The following MAP7 variants were observed in gnomAD, a reference collection of about 807,000 sequenced individuals.
The protein encoded by MAP7 is microtubule associated protein 7.
MAP7 carries 52 observed loss-of-function variants against 94.8 expected under a neutral mutation model. The ratio of observed to expected loss-of-function variants is 0.55; its 90% confidence interval spans 0.44 to 0.69. The LOEUF (loss-of-function observed/expected upper bound fraction) is 0.69, where lower values mean the gene tolerates loss of function less well. MAP7 is among the 30% of genes least tolerant of loss of function. The pLI is 0.00. For synonymous variants in MAP7, 350 were observed against 357.0 expected (o/e 0.98, Z 0.22); for missense variants, 940 against 964.6 (o/e 0.97, Z 0.34).
intron 3 of MAP7, among the ~76,000 whole-genome samples, chr6:136,405,500 C>T (rs2128722406): frequency 6.6e-6 from 1 of 152,274 alleles, no homozygotes; most frequent in South Asian, 2.1e-4. Flanking sequence ...GTTTAAGAAA[C>T]AGCAAGGAAC....
chr6:136,344,322 A>G, intron 17 of MAP7, 84 bp from the exon 18 acceptor site: 1 of 578,654 alleles, frequency 1.7e-6, no homozygotes, highest in Non-Finnish European at 2.7e-6. Flanking sequence ...TAATACCTTA[A>G]ATTTCTAAAA....
chr6:136,487,738 T>C (rs1313470830), intron 1 of MAP7, among the ~76,000 whole-genome samples: 1 of 152,134 alleles, frequency 6.6e-6, no homozygotes, highest in Non-Finnish European at 1.5e-5. Flanking sequence ...GTATTTCTTT[T>C]CTCATCAGAA....
chr6:136,380,310 T>C (rs1334862188), intron 6 of MAP7, among the ~76,000 whole-genome samples: 1 of 152,214 alleles, frequency 6.6e-6, no homozygotes, highest in African/African-American at 2.4e-5. Context: ...TTTCAGGTAA[T>C]AGGTGCCAGG....
At chr6:136,505,084 T>C (rs767542271) in intron 1 of MAP7, among the ~76,000 whole-genome samples, 1 of 151,890 alleles carries the variant, frequency 6.6e-6, no homozygotes, top group Non-Finnish European at 1.5e-5. Context: ...TTGCAAACAT[T>C]GTAACTCCCT....
intron 1 of MAP7, among the ~76,000 whole-genome samples, chr6:136,434,412 G>C (rs1050015959): frequency 5.3e-5 from 8 of 151,994 alleles, no homozygotes; most frequent in Admixed American, 1.3e-4. Flanking sequence ...TATCATCCTG[G>C]AGAACAAAGA....
At chr6:136,430,848 G>C (rs1794683436) in intron 1 of MAP7, among the ~76,000 whole-genome samples, 1 of 151,908 alleles carries the variant, frequency 6.6e-6, no homozygotes, top group Admixed American at 6.6e-5. Flanking sequence ...GCAGTTTTAG[G>C]CTTACAGCAC....
At chr6:136,441,558 C>T (rs1218458362) in intron 1 of MAP7, among the ~76,000 whole-genome samples, 1 of 152,166 alleles carries the variant, frequency 6.6e-6, no homozygotes, top group African/African-American at 2.4e-5. Flanking sequence ...TCTTCCTTCC[C>T]CTTTTTTGAT....
At chr6:136,434,387 T>A (rs912967202) in intron 1 of MAP7, among the ~76,000 whole-genome samples, 1 of 151,606 alleles carries the variant, frequency 6.6e-6, no homozygotes, top group Non-Finnish European at 1.5e-5. Context: ...ATTGAATCTA[T>A]TAAGTAATTA....
At chr6:136,413,120 C>T (rs1034065023) in intron 2 of MAP7, among the ~76,000 whole-genome samples, 3 of 152,130 alleles carry the variant, frequency 2.0e-5, no homozygotes, top group Admixed American at 6.5e-5. Flanking sequence ...CAAGATCGCG[C>T]CATTGCACTC....
chr6:136,386,163 GT>G (rs1779141733), intron 5 of MAP7, among the ~76,000 whole-genome samples: 2 of 152,296 alleles, frequency 1.3e-5, no homozygotes, highest in African/African-American at 4.8e-5. Flanking sequence ...TGATGTGTTT[GT>G]TGGTCAGCAA....
chr6:136,386,283 G>A lies in MAP7; in HGVS notation c.526+2110C>T, dbSNP rs781553859. Reference sequence around the variant, plus strand: ...CAAGATCATAGCAAATCATTTTCTGGTCTTTGAGAACTTGGCAAATCCCAT... The same window carrying A: ...CAAGATCATAGCAAATCATTTTCTGATCTTTGAGAACTTGGCAAATCCCAT... On this transcript the variant is annotated intron_variant, in intron 5 of 17. Transcript: ENST00000354570. Among the ~76,000 whole-genome samples the A allele has an allele frequency of 1.2e-3, 175 of 152,086 alleles. 2 individuals are homozygous for A. The highest frequency in any genetic ancestry group is 1.6e-3 in the Non-Finnish European group (109 of 68,010).
intron 1 of MAP7, among the ~76,000 whole-genome samples, chr6:136,479,144 A>T (rs184928443): frequency 1.1e-4 from 16 of 152,284 alleles, no homozygotes; most frequent in East Asian, 7.7e-4. Flanking sequence ...ACCAAATTCA[A>T]TAACACATTA....
At chr6:136,475,445 G>A (rs558672898) in intron 1 of MAP7, among the ~76,000 whole-genome samples, 2 of 152,150 alleles carry the variant, frequency 1.3e-5, no homozygotes, top group Admixed American at 1.3e-4. Context: ...CAGTAGTACT[G>A]TAGATTCTCT....
chr6:136,459,301 T>C (rs1804393689), intron 1 of MAP7, among the ~76,000 whole-genome samples: 1 of 152,090 alleles, frequency 6.6e-6, no homozygotes, highest in African/African-American at 2.4e-5. Context: ...CCTTGTACAC[T>C]GTTACTGAGA....
At chr6:136,479,606 AG>A (rs1251299601) in intron 1 of MAP7, among the ~76,000 whole-genome samples, 1 of 152,232 alleles carries the variant, frequency 6.6e-6, no homozygotes, top group Admixed American at 6.5e-5. Context: ...TATTTGGAGA[AG>A]CCTAAAGACG....
chr6:136,498,561 A>C (rs1397339257), intron 1 of MAP7, among the ~76,000 whole-genome samples: 1 of 152,142 alleles, frequency 6.6e-6, no homozygotes, highest in Non-Finnish European at 1.5e-5. Context: ...CTAAGGGAAC[A>C]TGCTTATCTG....
chr6:136,527,137 T>A (rs1385885239), intron 1 of MAP7, among the ~76,000 whole-genome samples: 1 of 152,218 alleles, frequency 6.6e-6, no homozygotes, highest in Admixed American at 6.5e-5. Flanking sequence ...TGCTGAGCAA[T>A]GCTCAACACT....
At chr6:136,452,189 G>T (rs922147054) in intron 1 of MAP7, among the ~76,000 whole-genome samples, 1 of 104,042 alleles carries the variant, frequency 9.6e-6, no homozygotes, top group Non-Finnish European at 2.1e-5. Flanking sequence ...GCAAGACTCC[G>T]TCTCAAACAA....
intron 1 of MAP7, among the ~76,000 whole-genome samples, chr6:136,458,398 G>A (rs1371390605): frequency 6.6e-6 from 1 of 152,036 alleles, no homozygotes; most frequent in African/African-American, 2.4e-5. Flanking sequence ...AATCTCAATG[G>A]CATTTTTTAC....
Sources: gnomAD v4.1 joint callset for allele counts (sites outside exome capture counted in the v4.1 genomes callset) on GRCh38, gnomAD v4.1.1 for gene constraint, MANE v1.5 for transcripts, NCBI Gene and HGNC (gene_info 2026-07-23, HGNC 2026-07-21) for gene names.